PAPPA2: variants seen among roughly 807,000 people sequenced by gnomAD.
The protein encoded by PAPPA2 is pappalysin 2, also known as pappalysin-2.
PAPPA2 carries 86 observed loss-of-function variants against 176.4 expected under a neutral mutation model. That is an observed-to-expected ratio of 0.49 (90% CI 0.41 to 0.58). The LOEUF is 0.58. PAPPA2 is among the 20% of genes least tolerant of loss of function. The pLI, the probability that PAPPA2 is intolerant of heterozygous loss-of-function variation, is 0.00. For missense variants in PAPPA2, 2,073 were observed against 2,256.9 expected, an observed-to-expected ratio of 0.92 and a Z score of 1.65; for synonymous variants, 809 against 852.2, an observed-to-expected ratio of 0.95 and a Z score of 0.88.
chr1:176,842,241 G>T, intron 22 of PAPPA2, 139 bp from the exon 23 acceptor site: 1 of 729,400 alleles, frequency 1.4e-6, no homozygotes. Context: ...TGGGAAAACT[G>T]CGTGTTAATT....
intron 1 of PAPPA2, among the ~76,000 whole-genome samples, chr1:176,513,158 TATCATCATC>T (rs66771117): frequency 2.5e-4 from 38 of 149,662 alleles, no homozygotes; most frequent in South Asian, 1.7e-3. Context: ...CATTTCTGTC[TATCATCATC>T]ATCATCATCA....
intron 3 of PAPPA2, among the ~76,000 whole-genome samples, chr1:176,632,063 AGCAAATCT>A (rs1310849452): frequency 1.3e-5 from 2 of 152,184 alleles, no homozygotes; most frequent in Non-Finnish European, 2.9e-5. Flanking sequence ...TAAGCTAGGA[AGCAAATCT>A]GTTAAGGTTG....
chr1:176,811,503 AG>A (rs777576643), intron 21 of PAPPA2, among the ~76,000 whole-genome samples: 1 of 152,198 alleles, frequency 6.6e-6, no homozygotes, highest in Non-Finnish European at 1.5e-5. Context: ...AATGCTAATT[AG>A]GGTAGGGATA....
At chr1:176,748,296 G>A (rs929456237) in intron 14 of PAPPA2, among the ~76,000 whole-genome samples, 8 of 152,188 alleles carry the variant, frequency 5.3e-5, no homozygotes, top group African/African-American at 1.9e-4. Flanking sequence ...TAGGGCAGAA[G>A]GGATACACAA....
At chr1:176,510,263 A>AT (rs1648514502) in intron 1 of PAPPA2, among the ~76,000 whole-genome samples, 1 of 152,210 alleles carries the variant, frequency 6.6e-6, no homozygotes, top group Non-Finnish European at 1.5e-5. Flanking sequence ...ACATGTTATG[A>AT]ACAGAGCAAC....
At position 176,739,769 on chromosome 1, in the gene PAPPA2, T is replaced by C; in HGVS notation, c.3934+8T>C. 1 of 1,613,230 alleles carries C rather than the reference T, an allele frequency of 6.2e-7. No homozygotes were observed. The highest frequency in any genetic ancestry group is 1.1e-5 in the South Asian group (1 of 91,012). On this transcript the variant is annotated splice_region_variant and intron_variant, in intron 13 of 22. Coordinates refer to ENST00000367662, the MANE Select transcript of PAPPA2 (RefSeq NM_020318.3). ...GAAGCAACCACTCTCTTGGTGAGTC[T>C]GACAAATATCCCTTTAGGGTCACTA...
chr1:176,816,158 A>ATG (rs1246323670), intron 21 of PAPPA2, among the ~76,000 whole-genome samples: 5 of 67,768 alleles, frequency 7.4e-5, no homozygotes, highest in Non-Finnish European at 1.5e-4. Flanking sequence ...CAGTGTATAT[A>ATG]TATATATATA....
At chr1:176,496,972 C>T (rs567754719) in intron 1 of PAPPA2, among the ~76,000 whole-genome samples, 2 of 152,172 alleles carry the variant, frequency 1.3e-5, no homozygotes, top group African/African-American at 4.8e-5. Context: ...CAGAAACATT[C>T]CCTCAACCTT....
rs1652764938 is a variant in PAPPA2, at chr1:176,578,243, C to T, written c.920-16281C>T. ...CTGTCAATAAGATTTATCACATATGCTGTAATCTAACTGTGTAGGATCTAG... is the reference window on the plus strand; with the variant it reads ...CTGTCAATAAGATTTATCACATATGTTGTAATCTAACTGTGTAGGATCTAG... On this transcript the variant is annotated intron_variant, in intron 2 of 22. Transcript: ENST00000367662. 2.0e-5 allele frequency among the ~76,000 whole-genome samples: 3 copies of T among 152,314 alleles called. No homozygotes were observed. The South Asian group carries it at 6.2e-4, about 32-fold the overall frequency.
At chr1:176,759,169 G>C (rs1175812082) in intron 14 of PAPPA2, among the ~76,000 whole-genome samples, 1 of 152,230 alleles carries the variant, frequency 6.6e-6, no homozygotes, top group Non-Finnish European at 1.5e-5. Context: ...GCCTGGGGGA[G>C]GGTGGGATAC....
At chr1:176,504,630 C>T (rs896495833) in intron 1 of PAPPA2, among the ~76,000 whole-genome samples, 7 of 152,106 alleles carry the variant, frequency 4.6e-5, no homozygotes, top group African/African-American at 1.7e-4. Context: ...TAATCCAAGA[C>T]AGAAGATCAG....
intron 1 of PAPPA2, among the ~76,000 whole-genome samples, chr1:176,494,743 C>G (rs894510947): frequency 1.4e-4 from 22 of 152,348 alleles, no homozygotes; most frequent in Middle Eastern, 3.4e-3. Context: ...TCTGCACACA[C>G]TGGGAGCTGG....
chr1:176,633,248 G>A (rs1436333653), intron 3 of PAPPA2, among the ~76,000 whole-genome samples: 2 of 152,122 alleles, frequency 1.3e-5, no homozygotes, highest in Non-Finnish European at 2.9e-5. Context: ...CCACAGATGG[G>A]AGCTATAGAT....
At chr1:176,485,967 C>T (rs1036582660) in intron 1 of PAPPA2, among the ~76,000 whole-genome samples, 2 of 152,088 alleles carry the variant, frequency 1.3e-5, no homozygotes, top group Non-Finnish European at 2.9e-5. Context: ...ATTTGGGCTT[C>T]TAGGGGTGAT....
At chr1:176,792,198 A>G (rs181585128) in intron 19 of PAPPA2, among the ~76,000 whole-genome samples, 100 of 152,314 alleles carry the variant, frequency 6.6e-4, no homozygotes, top group African/African-American at 2.3e-3. Context: ...AGCAATTACA[A>G]TTAAAGGTCT....
intron 2 of PAPPA2, among the ~76,000 whole-genome samples, chr1:176,557,584 C>T (rs1315551228): frequency 6.6e-6 from 1 of 152,156 alleles, no homozygotes; most frequent in African/African-American, 2.4e-5. Flanking sequence ...TGTCACACTC[C>T]ATTTCCGGTA....
intron 2 of PAPPA2, among the ~76,000 whole-genome samples, chr1:176,593,391 A>G (rs997402837): frequency 2.0e-5 from 3 of 152,220 alleles, no homozygotes; most frequent in African/African-American, 7.2e-5. Context: ...TCCAAAGACT[A>G]GTATATTTTT....
At chr1:176,588,504 G>C (rs1653460729) in intron 2 of PAPPA2, among the ~76,000 whole-genome samples, 1 of 152,168 alleles carries the variant, frequency 6.6e-6, no homozygotes, top group South Asian at 2.1e-4. Context: ...TCTATAGATG[G>C]GTCTTAGGGT....
Position 176,765,654 on chromosome 1 carries a change from C to T in PAPPA2, c.4152-12C>T. On this transcript the variant is annotated splice_polypyrimidine_tract_variant and intron_variant, in intron 14 of 22. Coordinates refer to ENST00000367662, the MANE Select transcript of PAPPA2 (RefSeq NM_020318.3). ...AACCAGTCCTAAGATGGTTCTATTT[C>T]TCTTATCCCAGCTGTATCCATCGGC... 1 of 1,612,474 alleles carries T rather than the reference C, an allele frequency of 6.2e-7. No individual in the cohort carries two copies. Among genetic ancestry groups the T allele is most frequent in the Non-Finnish European group, 8.5e-7 (1 of 1,179,114 alleles).
Sources: gnomAD v4.1 joint callset for allele counts (sites outside exome capture counted in the v4.1 genomes callset) on GRCh38, gnomAD v4.1.1 for gene constraint, MANE v1.5 for transcripts, NCBI Gene and HGNC (gene_info 2026-07-23, HGNC 2026-07-21) for gene names.